The following MICALL2 variants were observed in gnomAD, a reference collection of about 807,000 sequenced individuals.
MICALL2 encodes the protein MICAL like 2, also known as MICAL-like protein 2.
In MICALL2, 111 loss-of-function variants were observed where a neutral mutation model predicts 91.1. That is an observed-to-expected ratio of 1.22 (90% CI 1.04 to 1.43). The LOEUF (loss-of-function observed/expected upper bound fraction) is 1.43. MICALL2 is among the 40% of genes most tolerant of loss of function. The pLI is 0.00. For synonymous variants in MICALL2, 694 were observed against 525.3 expected (o/e 1.32, Z -4.39); for missense variants, 1,556 against 1,236.0 (o/e 1.26, Z -3.88).
intron 9 of MICALL2, chr7:1,439,639 G>T (rs893668000): frequency 1.7e-5 from 6 of 355,262 alleles, no homozygotes; most frequent in Non-Finnish European, 2.5e-5. Flanking sequence ...ACATGGACAT[G>T]CATCACGTGC....
chr7:1,435,925 G>A (rs368137598), intron 15 of MICALL2, among the ~76,000 whole-genome samples: 44 of 151,948 alleles, frequency 2.9e-4, no homozygotes, highest in African/African-American at 9.2e-4. Context: ...GGTGGCGGGC[G>A]CCTGTAGTCC....
Position 1,456,925 on chromosome 7 carries a change from C to T in MICALL2, c.143+2259G>A, listed in dbSNP as rs1257663502. ...CCATGGAAGCCTGTACTAGCTTCTTCCTACTGCCGTAACAAATTGCCACAA... is the reference window on the plus strand; with the variant it reads ...CCATGGAAGCCTGTACTAGCTTCTTTCTACTGCCGTAACAAATTGCCACAA... On this transcript the variant is annotated intron_variant, in intron 1 of 16. Coordinates refer to ENST00000297508, the MANE Select transcript of MICALL2 (RefSeq NM_182924.4). Among the ~76,000 whole-genome samples, 3 of 152,214 alleles carry T rather than the reference C, an allele frequency of 2.0e-5. No homozygotes were observed. In the East Asian group the frequency reaches 5.8e-4, roughly 29 times the overall value.
chr7:1,454,120 C>G (rs1322336342), intron 1 of MICALL2, among the ~76,000 whole-genome samples: 1 of 151,998 alleles, frequency 6.6e-6, no homozygotes, highest in African/African-American at 2.4e-5. Context: ...TCCTGGGTGG[C>G]CGACATCACA....
chr7:1,439,205 G>T, intron 9 of MICALL2: 2 of 544,110 alleles, frequency 3.7e-6, no homozygotes, highest in Non-Finnish European at 3.3e-6. Flanking sequence ...CCACGGGGCT[G>T]CTGGCTGCTC....
rs1263194116 is a variant in MICALL2, at chr7:1,448,522, G to A, written c.334+98C>T. 129 of 1,143,128 alleles carry A rather than the reference G, an allele frequency of 1.1e-4. 3 individuals carry two copies. The South Asian group carries it at 1.6e-3, about 14-fold the overall frequency. The allele number at this position is 1,143,128 out of a possible 1,614,324, so 70.8% of individuals were successfully genotyped here. The stretch of plus-strand genomic sequence containing the variant: ...TGCCAGGGGCCATTCTTGGGGGGGG[G>A]GCTGGGCATGGACCCCAAAAAGTCC... On this transcript the variant is annotated intron_variant, in intron 3 of 16. Coordinates refer to ENST00000297508, the MANE Select transcript of MICALL2 (RefSeq NM_182924.4).
At chr7:1,434,722 G>C in intron 16 of MICALL2, 50 bp from the exon 17 acceptor site, 1 of 1,498,372 alleles carries the variant, frequency 6.7e-7, no homozygotes, top group Non-Finnish European at 8.9e-7. Flanking sequence ...CAGCCGCACA[G>C]CCGTGGCCCA....
chr7:1,455,595 C>A (rs1375685614), intron 1 of MICALL2, among the ~76,000 whole-genome samples: 2 of 147,638 alleles, frequency 1.4e-5, no homozygotes, highest in Non-Finnish European at 1.6e-5. Context: ...GCTCAAGGAG[C>A]CGGAACATGG....
intron 4 of MICALL2, 99 bp downstream of exon 4, chr7:1,447,476 G>A: frequency 1.4e-6 from 1 of 721,238 alleles, no homozygotes; most frequent in Non-Finnish European, 2.2e-6. Context: ...CCCACTCTGG[G>A]TCCCGTGGCT....
At position 1,445,065 on chromosome 7, in the gene MICALL2, T is replaced by C; in HGVS notation, c.1005A>G (p.Lys335=). Residue 335 remains lysine (K), a synonymous_variant, in exon 6 of 17, where the codon AAA becomes AAG. Coordinates refer to ENST00000297508, the MANE Select transcript of MICALL2 (RefSeq NM_182924.4). ...AGCTATTGGTCACACGAGGGCGGAC[T>C]TTCCCCTCCGTGGGAGTGGGGGCCA... ...SRLAPTPTEG[K]VRPRVTNSSP... 3.2e-6 allele frequency: 5 copies of C among 1,549,284 alleles called. No homozygotes were observed. The highest frequency in any genetic ancestry group is 4.4e-6 in the Non-Finnish European group (5 of 1,146,956).
intron 15 of MICALL2, among the ~76,000 whole-genome samples, chr7:1,435,861 C>A (rs549923992): frequency 1.3e-5 from 2 of 151,996 alleles, no homozygotes; most frequent in Non-Finnish European, 2.9e-5. Context: ...ACCATCCTGG[C>A]TAACATGGGG....
chr7:1,440,280 T>C (rs1354253084), intron 8 of MICALL2, 195 bp from the exon 9 acceptor site: 12 of 695,468 alleles, frequency 1.7e-5, no homozygotes, highest in Admixed American at 3.0e-5. Flanking sequence ...CCTGCCGTGG[T>C]GCGAAGCAGA....
Position 1,440,679 on chromosome 7 carries a change from T to C in MICALL2, c.1717A>G (p.Ser573Gly). Reference protein sequence around the residue: ...GKSTTLTQDMSTSLQEGQEDG... With the variant: ...GKSTTLTQDMGTSLQEGQEDG... ...TCCTGGCCTTCCTGGAGGCTGGTGC[T>C]CATGTCTGGGTGGGAGGCAAGGGGT... Residue 573 changes from serine to glycine, a missense_variant, in exon 8 of 17, where the codon AGC becomes GGC. Ser to Gly is a moderately conservative substitution (Grantham distance 56). Coordinates refer to ENST00000297508, the MANE Select transcript of MICALL2 (RefSeq NM_182924.4). 2 of 1,611,520 alleles carry C rather than the reference T, an allele frequency of 1.2e-6. No individual in the cohort carries two copies. The highest frequency in any genetic ancestry group is 1.7e-6 in the Non-Finnish European group (2 of 1,179,764).
chr7:1,436,115 T>C (rs1779954756), intron 15 of MICALL2, among the ~76,000 whole-genome samples: 3 of 148,518 alleles, frequency 2.0e-5, no homozygotes. Flanking sequence ...TACGGCCAGT[T>C]ACGGTGGCTC....
chr7:1,450,707 C>G (rs1780793749), intron 1 of MICALL2, among the ~76,000 whole-genome samples: 2 of 152,188 alleles, frequency 1.3e-5, no homozygotes, highest in Non-Finnish European at 1.5e-5. Context: ...CCCAGAGGAC[C>G]ACAGGGAACG....
intron 5 of MICALL2, 182 bp downstream of exon 5, chr7:1,446,531 A>G (rs1584222479): frequency 8.0e-6 from 4 of 499,202 alleles, no homozygotes; most frequent in East Asian, 7.6e-5. Flanking sequence ...GGAGAAGGGG[A>G]GGAGAGGGGA....
chr7:1,451,972 C>T lies in MICALL2; in HGVS notation c.144-1684G>A, dbSNP rs1056747682. Among the ~76,000 whole-genome samples, 6 of 152,186 alleles carry T rather than the reference C, an allele frequency of 3.9e-5. No homozygotes were observed. The highest frequency in any genetic ancestry group is 4.1e-4 in the South Asian group (2 of 4,836). ...AAACTGAGGCCAGGCAGCAGCCACA[C>T]GGTGGGGTGGGGGCAGTGGGATGGG... is the stretch of plus-strand genomic sequence containing the variant. On this transcript the variant is annotated intron_variant, in intron 1 of 16. Transcript: ENST00000297508. The surrounding 1 kb of genome is among the most constrained non-coding windows in gnomAD (Gnocchi z 4.5).
intron 5 of MICALL2, among the ~76,000 whole-genome samples, chr7:1,446,038 C>T (rs918657179): frequency 5.0e-5 from 7 of 141,126 alleles, no homozygotes; most frequent in African/African-American, 1.9e-4. Flanking sequence ...CTGGAGGAGG[C>T]ATCTGGACGG....
In MICALL2 at chr7:1,444,776, G is replaced by A. The variant is rs781466975; in HGVS notation, c.1294C>T (p.Leu432Phe). ...GACGGGGTGGGACCTCTGCCAGAAA[G>A]GCTGGTGCCGGGGGGCACTGCTGAT... is the stretch of plus-strand genomic sequence containing the variant. Reference protein sequence around the residue: ...QTSAVPPGTSLSGRGPTPSLV... With the variant: ...QTSAVPPGTSFSGRGPTPSLV... Residue 432 changes from leucine to phenylalanine, a missense_variant, in exon 6 of 17, where the codon CTT becomes TTT. Physicochemically the swap from Leu to Phe is conservative, Grantham distance 22. Transcript: ENST00000297508. The A allele has an allele frequency of 8.7e-6, 14 of 1,612,038 alleles. No individual in the cohort carries two copies. In the Middle Eastern group the frequency reaches 5.0e-4, roughly 57 times the overall value.
At chr7:1,450,021 A>C (rs1394651007) in intron 2 of MICALL2, among the ~76,000 whole-genome samples, 1 of 152,172 alleles carries the variant, frequency 6.6e-6, no homozygotes, top group Non-Finnish European at 1.5e-5. Context: ...AAAAGAGGGG[A>C]CCAGTATGCC....
Sources: allele counts gnomAD v4.1 joint callset (sites outside exome capture counted in the v4.1 genomes callset), GRCh38; gene constraint gnomAD v4.1.1; non-coding constraint Gnocchi (gnomAD v3.1); transcripts MANE v1.5; gene names NCBI Gene and HGNC (gene_info 2026-07-23, HGNC 2026-07-21).